The following DNAJC1 variants were observed in gnomAD, a reference collection of about 807,000 sequenced individuals.
DNAJC1 encodes the protein DnaJ heat shock protein family (Hsp40) member C1, also known as dnaJ homolog subfamily C member 1.
Under a neutral mutation model 76.6 loss-of-function variants are expected in DNAJC1, and 58 were observed. The observed-to-expected ratio is 0.76, with a 90% CI of 0.61 to 0.94. The LOEUF is 0.94. Ranked by LOEUF, DNAJC1 falls within the 40% of genes least tolerant of loss-of-function variation. The pLI is 0.00. For missense variants in DNAJC1, 689 were observed against 677.3 expected (o/e 1.02, Z -0.19); for synonymous variants, 258 against 267.9 (o/e 0.96, Z 0.36).
At chr10:21,931,082 C>A (rs1837214027) in intron 1 of DNAJC1, among the ~76,000 whole-genome samples, 1 of 152,106 alleles carries the variant, frequency 6.6e-6, no homozygotes, top group Admixed American at 6.5e-5. Context: ...CCATATGTAC[C>A]CCAAATGTAA....
intron 8 of DNAJC1, among the ~76,000 whole-genome samples, chr10:21,830,929 T>C (rs973297519): frequency 3.9e-5 from 6 of 152,236 alleles, no homozygotes; most frequent in Non-Finnish European, 8.8e-5. Flanking sequence ...TCTTTCACTA[T>C]GGTTTTATTC....
intron 1 of DNAJC1, among the ~76,000 whole-genome samples, chr10:21,986,727 G>A (rs1838254070): frequency 6.6e-6 from 1 of 151,932 alleles, no homozygotes; most frequent in East Asian, 1.9e-4. Context: ...TATGTTGCTA[G>A]ATTCAGCTTG....
intron 1 of DNAJC1, among the ~76,000 whole-genome samples, chr10:21,959,679 G>A (rs1204859265): frequency 2.6e-5 from 4 of 151,558 alleles, no homozygotes; most frequent in East Asian, 2.0e-4. Context: ...CCAGCTACCC[G>A]GGAGGCCAAG....
chr10:21,898,848 A>G (rs1001212189), intron 7 of DNAJC1, among the ~76,000 whole-genome samples: 2 of 152,156 alleles, frequency 1.3e-5, no homozygotes, highest in African/African-American at 2.4e-5. Flanking sequence ...AAAAAAAAAA[A>G]AAGAAGATGG....
At chr10:21,802,052 T>C (rs894080904) in intron 9 of DNAJC1, among the ~76,000 whole-genome samples, 1 of 152,048 alleles carries the variant, frequency 6.6e-6, no homozygotes, top group East Asian at 1.9e-4. Context: ...ACCTGGGTGA[T>C]GAAATAATCT....
Position 21,806,173 on chromosome 10 carries a change from A to G in DNAJC1, c.979-74T>C. ...AAGATAATTGGAAGAATAAAAAAAG[A>G]TAATTGAGAGATAATTGCTGTGAAG... On this transcript the variant is annotated intron_variant, in intron 8 of 11. Transcript: ENST00000376980. 7 of 1,494,670 alleles carry G rather than the reference A, an allele frequency of 4.7e-6. No individual in the cohort carries two copies. In the South Asian group the frequency reaches 6.4e-5, roughly 14 times the overall value. 92.6% of individuals were successfully genotyped at this position (1,494,670 alleles called of 1,614,324 possible).
intron 1 of DNAJC1, among the ~76,000 whole-genome samples, chr10:21,964,079 GTTAA>G (rs1383558015): frequency 2.6e-5 from 4 of 152,268 alleles, no homozygotes; most frequent in East Asian, 3.9e-4. Context: ...GTTGTCTAAA[GTTAA>G]TTAATGGTAA....
intron 1 of DNAJC1, among the ~76,000 whole-genome samples, chr10:21,982,653 C>T (rs1463630245): frequency 6.6e-6 from 1 of 151,198 alleles, no homozygotes; most frequent in African/African-American, 2.4e-5. Context: ...TAACAGTAGT[C>T]ACTAGGGAAA....
At chr10:21,908,214 ATT>A (rs1836788515) in intron 6 of DNAJC1, among the ~76,000 whole-genome samples, 1 of 83,538 alleles carries the variant, frequency 1.2e-5, no homozygotes, top group African/African-American at 5.4e-5. Context: ...TAAAATATAT[ATT>A]ATATATAATA....
At chr10:21,766,360 T>C (rs1382408625) in intron 9 of DNAJC1, 51 bp from the exon 10 acceptor site, 4 of 1,408,212 alleles carry the variant, frequency 2.8e-6, no homozygotes, top group African/African-American at 1.4e-5. Flanking sequence ...ACCTACTATA[T>C]GCTGAGTGAA....
intron 9 of DNAJC1, among the ~76,000 whole-genome samples, chr10:21,785,761 A>C (rs1431149034): frequency 1.3e-5 from 2 of 152,162 alleles, no homozygotes; most frequent in African/African-American, 4.8e-5. Context: ...TTAATCTGGA[A>C]GAGAGAAAGT....
intron 6 of DNAJC1, among the ~76,000 whole-genome samples, chr10:21,910,651 G>T (rs1836839922): frequency 2.0e-5 from 3 of 151,970 alleles, no homozygotes; most frequent in Non-Finnish European, 4.4e-5. Context: ...ACACACATCA[G>T]GGCCTGTGGT....
intron 8 of DNAJC1, among the ~76,000 whole-genome samples, chr10:21,817,758 C>A (rs984402013): frequency 6.6e-6 from 1 of 152,192 alleles, no homozygotes; most frequent in African/African-American, 2.4e-5. Context: ...ATTAGTTCCC[C>A]AAATTAATAC....
chr10:21,985,068 G>T (rs375117290), intron 1 of DNAJC1, among the ~76,000 whole-genome samples: 11 of 152,026 alleles, frequency 7.2e-5, no homozygotes, highest in African/African-American at 2.7e-4. Context: ...CAACAGCTTG[G>T]TTGAGGTACA....
chr10:21,907,586 T>G (rs938417381), intron 6 of DNAJC1, among the ~76,000 whole-genome samples: 5 of 152,134 alleles, frequency 3.3e-5, no homozygotes, highest in African/African-American at 4.8e-5. Context: ...GGGGATAACT[T>G]CATAACTACC....
intron 9 of DNAJC1, among the ~76,000 whole-genome samples, chr10:21,784,820 T>C (rs1834583796): frequency 6.6e-6 from 1 of 151,850 alleles, no homozygotes; most frequent in South Asian, 2.1e-4. Context: ...AAACACTGCA[T>C]GTTCTCACAC....
chr10:21,837,335 C>T lies in DNAJC1; in HGVS notation c.979-31236G>A, dbSNP rs1005649661. 5.9e-5 allele frequency among the ~76,000 whole-genome samples: 9 copies of T among 152,176 alleles called. No individual in the cohort carries two copies. In the South Asian group the frequency reaches 6.2e-4, roughly 11 times the overall value. On this transcript the variant is annotated intron_variant, in intron 8 of 11. Transcript: ENST00000376980. ...TGCAGCCTCTGCCCGGCCGCCACCC[C>T]GTCTGAGAAGTGAGAAGCGTCTCTG...
chr10:21,757,217 C>T (rs943703238), intron 11 of DNAJC1, among the ~76,000 whole-genome samples: 5 of 152,196 alleles, frequency 3.3e-5, no homozygotes, highest in African/African-American at 1.2e-4. Context: ...ACTGGCAGAA[C>T]TTGTGCTGGA....
At chr10:21,962,590 C>T (rs1208194846) in intron 1 of DNAJC1, among the ~76,000 whole-genome samples, 1 of 149,780 alleles carries the variant, frequency 6.7e-6, no homozygotes, top group Non-Finnish European at 1.5e-5. Flanking sequence ...ACCTCAGCCT[C>T]CTGAGTAGCC....
Sources: allele counts gnomAD v4.1 joint callset (sites outside exome capture counted in the v4.1 genomes callset), GRCh38; gene constraint gnomAD v4.1.1; transcripts MANE v1.5; gene names NCBI Gene and HGNC (gene_info 2026-07-23, HGNC 2026-07-21).